Variants in KALRN observed in about 807,000 individuals in gnomAD.
KALRN encodes the protein kalirin RhoGEF kinase.
In KALRN, 70 loss-of-function variants were observed where a neutral mutation model predicts 353.7. The observed-to-expected ratio is 0.20, with a 90% CI of 0.16 to 0.24. KALRN has a LOEUF of 0.24. Ranked by LOEUF, KALRN falls within the 10% of genes least tolerant of loss-of-function variation. The probability of loss-of-function intolerance (pLI) is 1.00; values close to 1 mark genes in which losing one functional copy is unlikely to be tolerated. For synonymous variants in KALRN, 1,391 were observed against 1,434.8 expected, an observed-to-expected ratio of 0.97 and a Z score of 0.69; for missense variants, 2,791 against 3,756.7, an observed-to-expected ratio of 0.74 and a Z score of 6.72.
intron 7 of KALRN, 48 bp from the exon 8 acceptor site, chr3:124,329,813 C>A (rs951126963): frequency 1.9e-6 from 3 of 1,591,908 alleles, no homozygotes; most frequent in Non-Finnish European, 2.6e-6. Context: ...CCACCCAACT[C>A]CTCACCCCCA....
At chr3:124,525,638 G>C (rs2067526034) in intron 33 of KALRN, among the ~76,000 whole-genome samples, 1 of 152,154 alleles carries the variant, frequency 6.6e-6, no homozygotes, top group Non-Finnish European at 1.5e-5. Flanking sequence ...AAAAGCAAGT[G>C]GTTGATAAAA....
intron 14 of KALRN, among the ~76,000 whole-genome samples, chr3:124,419,029 A>G (rs1176441779): frequency 6.6e-6 from 1 of 151,486 alleles, no homozygotes; most frequent in East Asian, 1.9e-4. Context: ...CTGAGATCGC[A>G]CCACTGCACT....
intron 57 of KALRN, among the ~76,000 whole-genome samples, chr3:124,703,519 G>A (rs1300285342): frequency 2.6e-5 from 4 of 152,180 alleles, no homozygotes; most frequent in East Asian, 1.9e-4. Context: ...ATCGGTTATT[G>A]CTATGTTGCC....
At chr3:124,327,366 C>A (rs898713517) in intron 7 of KALRN, among the ~76,000 whole-genome samples, 2 of 152,178 alleles carry the variant, frequency 1.3e-5, no homozygotes, top group African/African-American at 4.8e-5. Context: ...CTTTGTCTCA[C>A]TCCTTAACAT....
At chr3:124,468,349 G>C (rs987395851) in intron 25 of KALRN, among the ~76,000 whole-genome samples, 4 of 152,106 alleles carry the variant, frequency 2.6e-5, no homozygotes, top group African/African-American at 7.2e-5. Context: ...CACAAGGGGG[G>C]GGTTGATCCA....
chr3:124,693,702 C>T (rs2061928925), intron 51 of KALRN, 102 bp from the exon 52 acceptor site: 4 of 704,332 alleles, frequency 5.7e-6, no homozygotes, highest in Non-Finnish European at 9.3e-6. Flanking sequence ...CAGGCCTCAT[C>T]TCCCTAAATT....
chr3:124,501,353 A>G (rs1258781322), intron 33 of KALRN, among the ~76,000 whole-genome samples: 1 of 152,222 alleles, frequency 6.6e-6, no homozygotes, highest in Non-Finnish European at 1.5e-5. Flanking sequence ...AAAGAAGAAC[A>G]GGGAAATACC....
chr3:124,198,528 G>A (rs1488129458), intron 1 of KALRN, among the ~76,000 whole-genome samples: 2 of 152,156 alleles, frequency 1.3e-5, no homozygotes, highest in Non-Finnish European at 2.9e-5. Context: ...GCTTCCCTGA[G>A]GGGAGGATAA....
intron 1 of KALRN, among the ~76,000 whole-genome samples, chr3:124,218,544 A>T (rs2077568575): frequency 1.3e-5 from 2 of 152,260 alleles, no homozygotes; most frequent in Admixed American, 1.3e-4. Context: ...AAAAGACAAT[A>T]AATCTACCAC....
At chr3:124,415,078 C>G (rs1397449349) in intron 14 of KALRN, among the ~76,000 whole-genome samples, 1 of 152,200 alleles carries the variant, frequency 6.6e-6, no homozygotes, top group African/African-American at 2.4e-5. Flanking sequence ...GTGCTGTGAA[C>G]AGACTGCCTC....
At position 124,093,072 on chromosome 3, in the gene KALRN, A is replaced by C. The variant is rs145526969; in HGVS notation, c.73+59259A>C. Among the ~76,000 whole-genome samples the C allele has an allele frequency of 3.4e-3, 519 of 152,258 alleles. 11 individuals are homozygous for C. The highest frequency in any genetic ancestry group is 0.028 in the Admixed American group (431 of 15,296). ...CTGCCGAGACCCAATGCTGCCGTTT[A>C]AGAAGAAACCACAAGGCAGTTGGGG... On this transcript the variant is annotated intron_variant, in intron 1 of 59. Coordinates refer to ENST00000682506, the MANE Select transcript of KALRN (RefSeq NM_001388419.1).
chr3:124,237,882 C>A (rs1270864441), intron 3 of KALRN, among the ~76,000 whole-genome samples: 2 of 152,038 alleles, frequency 1.3e-5, no homozygotes, highest in Non-Finnish European at 2.9e-5. Flanking sequence ...ATGAACCAGC[C>A]AGCAGAAGAC....
chr3:124,337,626 A>G (rs2081269133), intron 9 of KALRN, among the ~76,000 whole-genome samples: 1 of 152,162 alleles, frequency 6.6e-6, no homozygotes, highest in Non-Finnish European at 1.5e-5. Context: ...TGTCTCCGAC[A>G]GGGTTTGGTA....
chr3:124,329,586 A>G (rs2080293263), intron 7 of KALRN, among the ~76,000 whole-genome samples: 1 of 152,198 alleles, frequency 6.6e-6, no homozygotes, highest in Non-Finnish European at 1.5e-5. Context: ...GTGTGTATCT[A>G]TAACCTATTG....
intron 1 of KALRN, among the ~76,000 whole-genome samples, chr3:124,121,093 C>CA (rs35883031): frequency 0.065 from 4,852 of 74,916 alleles, 438 homozygotes; most frequent in African/African-American, 0.17. Flanking sequence ...GACTCCATCT[C>CA]AAAAAAAAAA....
intron 59 of KALRN, 60 bp downstream of exon 59, chr3:124,717,445 G>C: frequency 7.7e-7 from 1 of 1,291,370 alleles, no homozygotes; most frequent in Non-Finnish European, 1.1e-6. Context: ...CCAGCACTTT[G>C]GGAGGCCAAG....
At position 124,235,286 on chromosome 3, in the gene KALRN, A is replaced by C. The variant is rs748215855; in HGVS notation, c.263+343A>C. Among the ~76,000 whole-genome samples the C allele has an allele frequency of 7.2e-5, 11 of 152,214 alleles. 1 individual carries two copies. Among genetic ancestry groups the C allele is most frequent in the Non-Finnish European group, 1.5e-4 (10 of 68,036 alleles). On this transcript the variant is annotated intron_variant, in intron 3 of 59. Transcript: ENST00000682506. Reference sequence around the variant, plus strand: ...AAAATTGGTTCTTGGGGATAGCAAAAGATTTTTTTTTCCATGTATTAAACA... The same window carrying C: ...AAAATTGGTTCTTGGGGATAGCAAACGATTTTTTTTTCCATGTATTAAACA...
chr3:124,360,636 C>T (rs2083929431), intron 10 of KALRN, among the ~76,000 whole-genome samples: 1 of 152,202 alleles, frequency 6.6e-6, no homozygotes, highest in Non-Finnish European at 1.5e-5. Flanking sequence ...CAGAGGAAAG[C>T]TTTCTTGTCT....
Position 124,722,806 on chromosome 3 carries a change from AAAAC to A in KALRN, c.*3343_*3346del, listed in dbSNP as rs762589883. The A allele has an allele frequency of 1.3e-5, 2 of 152,214 alleles. No homozygotes were observed. The highest frequency in any genetic ancestry group is 2.4e-5 in the African/African-American group (1 of 41,448). 9.4% of individuals were successfully genotyped at this position (152,214 alleles called of 1,614,324 possible). ...GAGTGAACTTTCAGCTGAAATGGGA[AAAAC>A]AAACAATGGTCAAGGTCACAAGTTT... On this transcript the variant is annotated 3_prime_UTR_variant, in exon 60 of 60. Coordinates refer to ENST00000682506, the MANE Select transcript of KALRN (RefSeq NM_001388419.1).
Sources: allele counts gnomAD v4.1 joint callset (sites outside exome capture counted in the v4.1 genomes callset), GRCh38; gene constraint gnomAD v4.1.1; transcripts MANE v1.5; gene names NCBI Gene and HGNC (gene_info 2026-07-23, HGNC 2026-07-21).